The following JAKMIP2 variants were observed in gnomAD, a reference collection of about 807,000 sequenced individuals.
JAKMIP2 encodes janus kinase and microtubule-interacting protein 2.
Under a neutral mutation model 115.0 loss-of-function variants are expected in JAKMIP2, and 25 were observed. The ratio of observed to expected loss-of-function variants is 0.22; its 90% CI spans 0.16 to 0.30. The LOEUF is 0.30. Among genes scored for constraint, JAKMIP2 ranks in the 10% least tolerant of loss-of-function variants. The pLI is 1.00. For synonymous variants in JAKMIP2, 334 were observed against 343.6 expected, an observed-to-expected ratio of 0.97 and a Z score of 0.31; for missense variants, 642 against 957.6, an observed-to-expected ratio of 0.67 and a Z score of 4.35.
rs574146871 is a variant in JAKMIP2 at position 147,718,461 on chromosome 5, T to G, written c.-148-46507A>C. On this transcript the variant is annotated intron_variant, in intron 1 of 21. Transcript: ENST00000616793. Reference sequence around the variant, plus strand: ...TTGTACCTCTGGTAGAATTCAGCTGTGAATCCATCTGCTCCTGGACTCTTT... The same window carrying G: ...TTGTACCTCTGGTAGAATTCAGCTGGGAATCCATCTGCTCCTGGACTCTTT... 1.6e-4 allele frequency among the ~76,000 whole-genome samples: 24 copies of G among 152,286 alleles called. No homozygotes were observed. The East Asian group carries it at 4.6e-3, about 29-fold the overall frequency.
At chr5:147,706,739 C>T (rs570453443) in intron 1 of JAKMIP2, among the ~76,000 whole-genome samples, 32 of 152,122 alleles carry the variant, frequency 2.1e-4, no homozygotes, top group Non-Finnish European at 3.8e-4. Flanking sequence ...TTTTGGATTT[C>T]GGATTTTTTG....
intron 21 of JAKMIP2, among the ~76,000 whole-genome samples, chr5:147,597,500 TG>T (rs1483619253): frequency 2.6e-5 from 4 of 152,130 alleles, no homozygotes; most frequent in African/African-American, 4.8e-5. Flanking sequence ...ACAGTAAAAA[TG>T]AGCTAGGCCA....
intron 8 of JAKMIP2, 31 bp from the exon 9 acceptor site, chr5:147,640,854 C>T: frequency 6.2e-7 from 1 of 1,603,322 alleles, no homozygotes; most frequent in Non-Finnish European, 8.5e-7. Context: ...TATTTACTGA[C>T]ATAGCTAACA....
At chr5:147,649,998 C>A (rs2053051) in intron 4 of JAKMIP2, among the ~76,000 whole-genome samples, 38,368 of 151,986 alleles carry the variant, frequency 0.25, 6,122 homozygotes, top group East Asian at 0.46. Context: ...CCCAATTGTT[C>A]ACAAAAGGGA....
At chr5:147,769,045 G>C (rs555029295) in intron 1 of JAKMIP2, among the ~76,000 whole-genome samples, 1 of 152,046 alleles carries the variant, frequency 6.6e-6, no homozygotes, top group East Asian at 1.9e-4. Flanking sequence ...CTCTGTCTTA[G>C]TTTCCTCAAA....
chr5:147,661,607 G>A, intron 2 of JAKMIP2, 162 bp from the exon 3 acceptor site: 1 of 652,752 alleles, frequency 1.5e-6, no homozygotes, highest in African/African-American at 1.8e-5. Context: ...TTGAAGCTGG[G>A]AATACAGTGT....
At chr5:147,744,942 C>G (rs965780484) in intron 1 of JAKMIP2, among the ~76,000 whole-genome samples, 2 of 151,492 alleles carry the variant, frequency 1.3e-5, no homozygotes, top group African/African-American at 4.9e-5. Flanking sequence ...CCTGTAGTCT[C>G]AGCTAGTCAG....
At chr5:147,597,685 T>C (rs1185606637) in intron 21 of JAKMIP2, among the ~76,000 whole-genome samples, 1 of 152,220 alleles carries the variant, frequency 6.6e-6, no homozygotes, top group Non-Finnish European at 1.5e-5. Context: ...GCTATTTTTG[T>C]ATTCCTCTAA....
At position 147,650,271 on chromosome 5, in the gene JAKMIP2, AG is replaced by A. The variant is rs1758331425; in HGVS notation, c.837+66del. 135 of 978,194 alleles carry A rather than the reference AG, an allele frequency of 1.4e-4. No homozygotes were observed. In the South Asian group the frequency reaches 1.7e-3, roughly 12 times the overall value. The allele number at this position is 978,194 out of a possible 1,614,324, so 60.6% of individuals were successfully genotyped here. On this transcript the variant is annotated intron_variant, in intron 4 of 21. Coordinates refer to ENST00000616793, the MANE Select transcript of JAKMIP2 (RefSeq NM_001270941.2). ...TAAACAAGAAAAGAGCTTAAGTAAA[AG>A]GTAAAACTTGGGAGCTAAATAAAAG...
intron 1 of JAKMIP2, among the ~76,000 whole-genome samples, chr5:147,673,153 T>G (rs1433703507): frequency 6.6e-6 from 1 of 152,076 alleles, no homozygotes; most frequent in Non-Finnish European, 1.5e-5. Flanking sequence ...ATCAGAATTG[T>G]GGCAAGAGGA....
In JAKMIP2 at chr5:147,650,609, A is replaced by G. The variant is rs1472553863; in HGVS notation, c.628-62T>C. Reference sequence around the variant, plus strand: ...ATGCTGTAAAGAAATACATTTTTACAATGGTGTAGGTTTAACTTCTTTTAT... The same window carrying G: ...ATGCTGTAAAGAAATACATTTTTACGATGGTGTAGGTTTAACTTCTTTTAT... On this transcript the variant is annotated intron_variant, in intron 3 of 21. Transcript: ENST00000616793. 4.6e-6 allele frequency: 6 copies of G among 1,302,978 alleles called. No homozygotes were observed. The East Asian group carries it at 1.4e-4, about 31-fold the overall frequency. The allele number at this position is 1,302,978 out of a possible 1,614,324, so 80.7% of individuals were successfully genotyped here.
chr5:147,699,949 C>T (rs915849147), intron 1 of JAKMIP2, among the ~76,000 whole-genome samples: 7 of 152,220 alleles, frequency 4.6e-5, no homozygotes, highest in African/African-American at 1.7e-4. Context: ...TCACGTCATC[C>T]TTCATGGTGG....
chr5:147,655,943 T>TATTTACCCA (rs1758652604), intron 3 of JAKMIP2, among the ~76,000 whole-genome samples: 1 of 152,192 alleles, frequency 6.6e-6, no homozygotes, highest in African/African-American at 2.4e-5. Context: ...GCCTTAATTT[T>TATTTACCCA]GTTATTTACC....
At chr5:147,727,826 AG>A (rs202232603) in intron 1 of JAKMIP2, among the ~76,000 whole-genome samples, 1,522 of 151,958 alleles carry the variant, frequency 0.01, 25 homozygotes, top group African/African-American at 0.035. Context: ...TCTGGAAAAA[AG>A]GTTTTTTTCT....
intron 1 of JAKMIP2, among the ~76,000 whole-genome samples, chr5:147,696,716 C>T (rs906072764): frequency 1.3e-5 from 2 of 152,138 alleles, no homozygotes; most frequent in African/African-American, 2.4e-5. Flanking sequence ...AAGTCTGGAC[C>T]TTCCTAGAGA....
intron 20 of JAKMIP2, among the ~76,000 whole-genome samples, chr5:147,605,136 C>G (rs1216707868): frequency 6.6e-6 from 1 of 151,718 alleles, no homozygotes; most frequent in African/African-American, 2.4e-5. Context: ...TCATCCATGT[C>G]CCTGCAAAGG....
At chr5:147,737,299 TTTTTA>T (rs1490952913) in intron 1 of JAKMIP2, among the ~76,000 whole-genome samples, 7 of 152,330 alleles carry the variant, frequency 4.6e-5, no homozygotes, top group African/African-American at 1.7e-4. Flanking sequence ...AAGATGTAAC[TTTTTA>T]TTTTCTCAGT....
At chr5:147,628,467 G>A (rs1216462044) in intron 16 of JAKMIP2, among the ~76,000 whole-genome samples, 1 of 152,092 alleles carries the variant, frequency 6.6e-6, no homozygotes, top group Non-Finnish European at 1.5e-5. Context: ...GCTTGGTAGG[G>A]ATTGTGTAAA....
chr5:147,714,120 A>G (rs184689694), intron 1 of JAKMIP2, among the ~76,000 whole-genome samples: 6 of 152,328 alleles, frequency 3.9e-5, no homozygotes, highest in Admixed American at 2.6e-4. Flanking sequence ...ATGAGACAGC[A>G]TGAGTAAGAA....
Sources: allele counts gnomAD v4.1 joint callset (sites outside exome capture counted in the v4.1 genomes callset), GRCh38; gene constraint gnomAD v4.1.1; transcripts MANE v1.5; gene names NCBI Gene and HGNC (gene_info 2026-07-23, HGNC 2026-07-21).